Variants in MGMT observed in about 807,000 individuals in gnomAD.
MGMT encodes the protein methylated-DNA--protein-cysteine methyltransferase.
Under a neutral mutation model 15.9 loss-of-function variants are expected in MGMT, and 14 were observed. The ratio of observed to expected loss-of-function variants is 0.88; its 90% CI spans 0.58 to 1.37. The LOEUF is 1.37. Among genes scored for constraint, MGMT ranks in the 40% most tolerant of loss-of-function variants. The pLI is 0.00. For synonymous variants in MGMT, 130 were observed against 118.2 expected (o/e 1.10, Z -0.65); for missense variants, 282 against 268.1 (o/e 1.05, Z -0.36).
intron 2 of MGMT, among the ~76,000 whole-genome samples, chr10:129,538,758 C>T (rs531035239): frequency 6.6e-6 from 1 of 152,260 alleles, no homozygotes; most frequent in African/African-American, 2.4e-5. Flanking sequence ...GCCTCAGCCT[C>T]TGGAGTAGCT....
chr10:129,626,516 G>A (rs555412652), intron 2 of MGMT, among the ~76,000 whole-genome samples: 186 of 152,290 alleles, frequency 1.2e-3, no homozygotes, highest in African/African-American at 4.3e-3. Context: ...CCCGCGGCAT[G>A]TTCTGCCTGC....
intron 1 of MGMT, among the ~76,000 whole-genome samples, chr10:129,495,669 G>A (rs7076950): frequency 0.059 from 8,944 of 152,266 alleles, 877 homozygotes; most frequent in African/African-American, 0.2. Context: ...CAAAGGCAGA[G>A]AAACGATTGC....
intron 3 of MGMT, 111 bp downstream of exon 3, chr10:129,708,154 G>C: frequency 7.1e-7 from 1 of 1,408,418 alleles, no homozygotes; most frequent in South Asian, 1.4e-5. Context: ...TTTTACATCA[G>C]CTAAACAGAG....
intron 2 of MGMT, among the ~76,000 whole-genome samples, chr10:129,584,536 A>G (rs957278068): frequency 5.9e-5 from 9 of 151,706 alleles, no homozygotes; most frequent in African/African-American, 2.2e-4. Context: ...TCATGCATTT[A>G]TACAGTTGTG....
intron 1 of MGMT, among the ~76,000 whole-genome samples, chr10:129,515,434 T>TG (rs1037595192): frequency 1.3e-5 from 2 of 152,154 alleles, no homozygotes; most frequent in African/African-American, 4.8e-5. Flanking sequence ...GCAGAGTCCT[T>TG]GGGGTGAGGG....
intron 1 of MGMT, among the ~76,000 whole-genome samples, chr10:129,515,385 G>A (rs34380690): frequency 0.22 from 33,454 of 152,130 alleles, 4,262 homozygotes; most frequent in Non-Finnish European, 0.28. Context: ...GGGGATTTCC[G>A]CAAGGCCCCG....
intron 3 of MGMT, among the ~76,000 whole-genome samples, chr10:129,754,926 A>G (rs1848788231): frequency 1.3e-5 from 2 of 151,520 alleles, no homozygotes; most frequent in Non-Finnish European, 2.9e-5. Flanking sequence ...AAAGTGGATT[A>G]GAGCCGAGCC....
chr10:129,611,837 C>G (rs1261195688), intron 2 of MGMT, among the ~76,000 whole-genome samples: 5 of 152,188 alleles, frequency 3.3e-5, no homozygotes, highest in Non-Finnish European at 7.3e-5. Context: ...GTGTGATGCA[C>G]TGGTCCTGAA....
intron 3 of MGMT, among the ~76,000 whole-genome samples, chr10:129,736,992 A>G (rs899561089): frequency 1.3e-5 from 2 of 151,946 alleles, no homozygotes; most frequent in Non-Finnish European, 2.9e-5. Flanking sequence ...TGCCCTTAAC[A>G]TTTTTCCTTC....
chr10:129,716,485 G>A (rs1380616635), intron 3 of MGMT, among the ~76,000 whole-genome samples: 8 of 152,064 alleles, frequency 5.3e-5, no homozygotes, highest in South Asian at 4.2e-4. Context: ...GCGATCCCCC[G>A]CCTGCCAAGC....
At chr10:129,625,567 T>G (rs972920278) in intron 2 of MGMT, among the ~76,000 whole-genome samples, 6 of 152,244 alleles carry the variant, frequency 3.9e-5, no homozygotes, top group Non-Finnish European at 7.3e-5. Flanking sequence ...ATTCTCCACA[T>G]TCACAGAGGA....
chr10:129,637,820 C>G (rs1413328879), intron 2 of MGMT, among the ~76,000 whole-genome samples: 1 of 152,174 alleles, frequency 6.6e-6, no homozygotes, highest in Non-Finnish European at 1.5e-5. Flanking sequence ...CGTCCGCAAG[C>G]CAAGAAGAGA....
Position 129,467,351 on chromosome 10 carries a change from G to T in MGMT, c.-13+55G>T, listed in dbSNP as rs1845180180. 2.7e-6 allele frequency: 4 copies of T among 1,493,204 alleles called. No homozygotes were observed. The Admixed American group carries it at 6.6e-5, about 25-fold the overall frequency. 92.5% of individuals were successfully genotyped at this position (1,493,204 alleles called of 1,614,324 possible). A position where few individuals can be genotyped will look rare whatever the true frequency, so the allele number is the denominator to read the frequency against. On this transcript the variant is annotated intron_variant, in intron 1 of 4. Coordinates refer to ENST00000651593, the MANE Select transcript of MGMT (RefSeq NM_002412.5). The stretch of plus-strand genomic sequence containing the variant: ...AGAGTGCGGAGCTCTCCCTCGGGAC[G>T]GTGGCAGCCTCGAGTGGTCCTGCAG...
At chr10:129,507,782 A>G (rs553941987) in intron 1 of MGMT, among the ~76,000 whole-genome samples, 95 of 152,326 alleles carry the variant, frequency 6.2e-4, no homozygotes, top group African/African-American at 2.0e-3. Flanking sequence ...TTTTGATTGT[A>G]TTAGTTACTT....
chr10:129,654,338 C>T (rs1269097197), intron 2 of MGMT, among the ~76,000 whole-genome samples: 1 of 152,096 alleles, frequency 6.6e-6, no homozygotes, highest in Non-Finnish European at 1.5e-5. Context: ...AGGCCTGGGA[C>T]CTGGAGGACC....
chr10:129,723,082 T>C (rs565652284), intron 3 of MGMT, among the ~76,000 whole-genome samples: 1 of 151,572 alleles, frequency 6.6e-6, no homozygotes, highest in African/African-American at 2.4e-5. Context: ...TTTTTTTCCA[T>C]TCCATTTTCA....
chr10:129,617,370 G>A (rs972105010), intron 2 of MGMT, among the ~76,000 whole-genome samples: 2 of 152,168 alleles, frequency 1.3e-5, no homozygotes, highest in African/African-American at 4.8e-5. Context: ...TTACTATTAT[G>A]AATAGTGCTG....
rs10644344 is a variant in MGMT, at chr10:129,659,358, G to GAAAAAAAAA, written c.126-48537_126-48536insAAAAAAAAA. ...GGTGGCAGAGCGAGACTCCCTGTGT[G>GAAAAAAAAA]GAAAAAAAAAAAAAAGATACTCAGA... is the stretch of plus-strand genomic sequence containing the variant. On this transcript the variant is annotated intron_variant, in intron 2 of 4. Transcript: ENST00000651593. The surrounding 1 kb of genome is among the most constrained non-coding windows in gnomAD (Gnocchi z 4.1). Among the ~76,000 whole-genome samples, 22 of 147,120 alleles carry GAAAAAAAAA rather than the reference G, an allele frequency of 1.5e-4. No individual in the cohort carries two copies. Among genetic ancestry groups the GAAAAAAAAA allele is most frequent in the African/African-American group, 5.3e-4 (20 of 37,886 alleles).
intron 1 of MGMT, among the ~76,000 whole-genome samples, chr10:129,474,120 C>G (rs1374457116): frequency 6.6e-6 from 1 of 152,170 alleles, no homozygotes; most frequent in Non-Finnish European, 1.5e-5. Flanking sequence ...TGAATTTGAG[C>G]AGGGTGTGGC....
Sources: gnomAD v4.1 joint callset for allele counts (sites outside exome capture counted in the v4.1 genomes callset) on GRCh38, gnomAD v4.1.1 for gene constraint, Gnocchi (gnomAD v3.1) non-coding constraint, MANE v1.5 for transcripts, NCBI Gene and HGNC (gene_info 2026-07-23, HGNC 2026-07-21) for gene names.